MAPK10: variants seen among roughly 807,000 people sequenced by gnomAD.
MAPK10 encodes JNK3 alpha protein kinase.
A neutral mutation model predicts 59.3 loss-of-function variants in MAPK10; 25 were observed. The ratio of observed to expected loss-of-function variants is 0.42; its 90% CI spans 0.31 to 0.59. The LOEUF (loss-of-function observed/expected upper bound fraction) is 0.59, where lower values mean the gene tolerates loss of function less well. MAPK10 is among the 20% of genes least tolerant of loss of function. The pLI is 0.15. For synonymous variants in MAPK10, 190 were observed against 200.5 expected, an observed-to-expected ratio of 0.95 and a Z score of 0.44; for missense variants, 351 against 568.9, an observed-to-expected ratio of 0.62 and a Z score of 3.90.
chr4:86,101,502 C>T (rs1317201967), intron 7 of MAPK10: 1 of 400,900 alleles, frequency 2.5e-6, no homozygotes, highest in Non-Finnish European at 4.5e-6. Context: ...TAGGTTTCTC[C>T]TTAGGACAAC....
chr4:86,260,422 C>T (rs1490118128), intron 2 of MAPK10, among the ~76,000 whole-genome samples: 1 of 152,104 alleles, frequency 6.6e-6, no homozygotes, highest in Non-Finnish European at 1.5e-5. Flanking sequence ...ATTTGTACTG[C>T]ATCACTCTCT....
chr4:86,189,044 A>G (rs1436846107), intron 3 of MAPK10, among the ~76,000 whole-genome samples: 2 of 152,014 alleles, frequency 1.3e-5, no homozygotes, highest in Non-Finnish European at 2.9e-5. Context: ...GTTGAAGATC[A>G]GATGGTTGTA....
At chr4:86,161,376 T>C (rs1480493941) in intron 3 of MAPK10, among the ~76,000 whole-genome samples, 4 of 152,074 alleles carry the variant, frequency 2.6e-5, no homozygotes, top group Non-Finnish European at 4.4e-5. Flanking sequence ...GTGTGGACAG[T>C]GGCAGAAAAA....
chr4:86,033,607 T>C (rs1024404492), intron 11 of MAPK10, among the ~76,000 whole-genome samples: 1 of 152,216 alleles, frequency 6.6e-6, no homozygotes, highest in African/African-American at 2.4e-5. Context: ...AAGCACAAAG[T>C]ACATAGACAC....
intron 1 of MAPK10, chr4:86,358,964 C>A (rs925235470): frequency 2.0e-5 from 3 of 151,990 alleles, no homozygotes; most frequent in Non-Finnish European, 2.9e-5. Flanking sequence ...GACTGCAGTG[C>A]CAATGTTTCC....
chr4:86,091,536 A>ATTTTTTT (rs71657508), intron 9 of MAPK10: 7 of 67,454 alleles, frequency 1.0e-4, no homozygotes, highest in Non-Finnish European at 1.3e-4. Context: ...AAATCCCTTG[A>ATTTTTTT]TTTTTTTTTT....
chr4:86,257,205 A>G lies in MAPK10; in HGVS notation c.-6-62798T>C, dbSNP rs1352362147. Among the ~76,000 whole-genome samples, 3 of 152,270 alleles carry G rather than the reference A, an allele frequency of 2.0e-5. No homozygotes were observed. The South Asian group carries it at 6.2e-4, about 32-fold the overall frequency. On this transcript the variant is annotated intron_variant, in intron 2 of 13. Coordinates refer to ENST00000641462, the MANE Select transcript of MAPK10 (RefSeq NM_138982.4). ...AAGTTGGCATTTTTATTAATCCCCT[A>G]ATATTAACTTATTTTATTGTATTTT...
At chr4:86,032,984 C>T (rs1268842958) in intron 11 of MAPK10, among the ~76,000 whole-genome samples, 1 of 152,074 alleles carries the variant, frequency 6.6e-6, no homozygotes, top group Non-Finnish European at 1.5e-5. Flanking sequence ...AAATGAGACT[C>T]TCACACCACC....
intron 3 of MAPK10, among the ~76,000 whole-genome samples, chr4:86,169,489 T>A (rs1206945157): frequency 6.6e-6 from 1 of 151,768 alleles, no homozygotes; most frequent in Non-Finnish European, 1.5e-5. Context: ...ATGAATGAAA[T>A]GAAGCAAGAA....
chr4:86,383,707 T>C (rs1186326334), intron 1 of MAPK10, among the ~76,000 whole-genome samples: 1 of 152,172 alleles, frequency 6.6e-6, no homozygotes, highest in Admixed American at 6.6e-5. Flanking sequence ...AATAAAATAA[T>C]ATTTTCCTCT....
intron 8 of MAPK10, chr4:86,100,399 T>C (rs1260623747): frequency 6.6e-6 from 1 of 152,210 alleles, no homozygotes; most frequent in Non-Finnish European, 1.5e-5. Context: ...AAAGTGTTCA[T>C]GAACATTAAG....
chr4:86,321,425 G>A (rs1250378267), intron 2 of MAPK10, among the ~76,000 whole-genome samples: 2 of 152,000 alleles, frequency 1.3e-5, no homozygotes, highest in Non-Finnish European at 2.9e-5. Context: ...ATGAGTTCAT[G>A]TTCTTTGTAG....
intron 1 of MAPK10, among the ~76,000 whole-genome samples, chr4:86,421,662 C>T (rs148188666): frequency 8.5e-4 from 129 of 152,230 alleles, no homozygotes; most frequent in Middle Eastern, 3.4e-3. Flanking sequence ...AAATAGAGTG[C>T]GGTGCAGTAA....
In MAPK10 at chr4:86,463,533, A is replaced by G. The variant is rs147925870; in HGVS notation, c.-262-108889T>C. Among the ~76,000 whole-genome samples the G allele has an allele frequency of 4.8e-3, 728 of 152,320 alleles. 6 individuals carry two copies. Among genetic ancestry groups the G allele is most frequent in the African/African-American group, 0.017 (688 of 41,568 alleles). ...TACTCCAATGTTATGATCACTTGCA[A>G]AATTCAATTTCTCGTGCTGGCTTAA... On this transcript the variant is annotated intron_variant, in intron 1 of 4. Coordinates refer to the MAPK10 transcript ENST00000502302.
At chr4:86,154,335 A>G (rs981670908) in intron 4 of MAPK10, among the ~76,000 whole-genome samples, 14 of 152,114 alleles carry the variant, frequency 9.2e-5, no homozygotes, top group African/African-American at 3.1e-4. Context: ...ATTGTAAATA[A>G]TATTGGTTAA....
chr4:86,515,449 C>A (rs950222420), intron 1 of MAPK10, among the ~76,000 whole-genome samples: 1 of 152,184 alleles, frequency 6.6e-6, no homozygotes, highest in Non-Finnish European at 1.5e-5. Context: ...TACATTCCCA[C>A]CATCAGTGTA....
chr4:86,494,240 A>G (rs896946470), intron 1 of MAPK10, among the ~76,000 whole-genome samples: 5 of 152,184 alleles, frequency 3.3e-5, no homozygotes, highest in Non-Finnish European at 7.3e-5. Context: ...GTGAGTAGGG[A>G]GAAGGAGTAT....
At chr4:86,255,067 A>G (rs1430852667) in intron 2 of MAPK10, among the ~76,000 whole-genome samples, 1 of 151,522 alleles carries the variant, frequency 6.6e-6, no homozygotes, top group African/African-American at 2.4e-5. Context: ...AAATAATGAT[A>G]AAGATATTCT....
At chr4:86,469,679 T>C (rs1752508142) in intron 1 of MAPK10, among the ~76,000 whole-genome samples, 1 of 152,178 alleles carries the variant, frequency 6.6e-6, no homozygotes, top group Non-Finnish European at 1.5e-5. Context: ...AATAATTTTT[T>C]AAAGGGGGCA....
Sources: allele counts gnomAD v4.1 joint callset (sites outside exome capture counted in the v4.1 genomes callset), GRCh38; gene constraint gnomAD v4.1.1; transcripts MANE v1.5; gene names NCBI Gene and HGNC (gene_info 2026-07-23, HGNC 2026-07-21).